PLSCR1: variants seen among roughly 807,000 people sequenced by gnomAD.
The protein encoded by PLSCR1 is phospholipid scramblase 1, also known as PL scramblase 1.
In PLSCR1, 17 loss-of-function variants were observed where a neutral mutation model predicts 37.8. The ratio of observed to expected loss-of-function variants is 0.45; its 90% CI spans 0.31 to 0.68. PLSCR1 has a LOEUF of 0.68. Ranked by LOEUF, PLSCR1 falls within the 30% of genes least tolerant of loss-of-function variation. PLSCR1 has a pLI of 0.06. For synonymous variants in PLSCR1, 116 were observed against 125.9 expected, an observed-to-expected ratio of 0.92 and a Z score of 0.53; for missense variants, 347 against 380.9, an observed-to-expected ratio of 0.91 and a Z score of 0.74.
At chr3:146,541,442 TTCC>T (rs778215790) in intron 1 of PLSCR1, among the ~76,000 whole-genome samples, 22 of 152,198 alleles carry the variant, frequency 1.4e-4, no homozygotes, top group Non-Finnish European at 3.2e-4. Flanking sequence ...TTTGCTTCCT[TTCC>T]TCCTAATAAA....
intron 5 of PLSCR1, among the ~76,000 whole-genome samples, chr3:146,522,769 C>T (rs1166931092): frequency 6.6e-6 from 1 of 152,158 alleles, no homozygotes; most frequent in East Asian, 1.9e-4. Flanking sequence ...TCCTGCTCGT[C>T]CCTGGGCAAT....
rs916948032 is a variant in PLSCR1 at position 146,517,016 on chromosome 3, C to T, written c.890G>A (p.Cys297Tyr). 1.3e-6 allele frequency: 2 copies of T among 1,588,650 alleles called. No individual in the cohort carries two copies. Among genetic ancestry groups the T allele is most frequent in the South Asian group, 1.1e-5 (1 of 87,194 alleles). ...VKMKAVMIGACFLIDFMFFES... is the reference protein window; with the variant it reads ...VKMKAVMIGAYFLIDFMFFES... ...TAAGAACAGACTTACAATGAGGAAACAGGCACCAATCATTACAGCTTTCAT... is the reference window on the plus strand; with the variant it reads ...TAAGAACAGACTTACAATGAGGAAATAGGCACCAATCATTACAGCTTTCAT... The change falls in exon 8 of 9, where the codon TGT (cysteine) becomes TAT (tyrosine). Residue 297 changes from cysteine to tyrosine, a missense_variant. By Grantham distance (194) the Cys-to-Tyr change is radical (BLOSUM62 -2). Transcript: ENST00000342435.
intron 1 of PLSCR1, among the ~76,000 whole-genome samples, chr3:146,543,208 A>G (rs2044359788): frequency 6.6e-6 from 1 of 152,170 alleles, no homozygotes; most frequent in African/African-American, 2.4e-5. Flanking sequence ...ATTCTTAGAG[A>G]TGAAGATGGA....
At chr3:146,528,928 A>G in intron 3 of PLSCR1, 97 bp from the exon 4 acceptor site, 1 of 791,602 alleles carries the variant, frequency 1.3e-6, no homozygotes, top group African/African-American at 1.7e-5. Context: ...TTGACATTTC[A>G]GCGTAGACAT....
chr3:146,541,066 A>G (rs9289722), intron 1 of PLSCR1: 41,122 of 151,852 alleles, frequency 0.27, 5,775 homozygotes, highest in African/African-American at 0.32. Context: ...TTGAGTATAC[A>G]GCACATCATA....
chr3:146,526,492 C>T (rs564331753), intron 4 of PLSCR1, among the ~76,000 whole-genome samples: 339 of 152,116 alleles, frequency 2.2e-3, no homozygotes, highest in Non-Finnish European at 4.3e-3. Flanking sequence ...TCAGCAATCC[C>T]ACTACTGTTT....
intron 7 of PLSCR1, chr3:146,520,154 C>T (rs2043999412): frequency 6.6e-6 from 1 of 151,984 alleles, no homozygotes; most frequent in Non-Finnish European, 1.5e-5. Flanking sequence ...TCAATTCTTT[C>T]CATGAGAGTA....
intron 3 of PLSCR1, among the ~76,000 whole-genome samples, chr3:146,532,871 A>G (rs1234640494): frequency 6.6e-6 from 1 of 152,252 alleles, no homozygotes; most frequent in Admixed American, 6.5e-5. Flanking sequence ...TTATGTATGT[A>G]GTCAAATGAC....
intron 1 of PLSCR1, among the ~76,000 whole-genome samples, chr3:146,539,076 T>C (rs1207590375): frequency 6.6e-6 from 1 of 152,204 alleles, no homozygotes; most frequent in Non-Finnish European, 1.5e-5. Context: ...TATTACATTG[T>C]AATATATAAC....
chr3:146,525,185 A>AT (rs2044089640), intron 5 of PLSCR1, among the ~76,000 whole-genome samples: 1 of 152,210 alleles, frequency 6.6e-6, no homozygotes, highest in Non-Finnish European at 1.5e-5. Flanking sequence ...TTAACTCCCA[A>AT]GAGAAACTGT....
chr3:146,524,572 T>C (rs746521890), intron 5 of PLSCR1, among the ~76,000 whole-genome samples: 3 of 151,820 alleles, frequency 2.0e-5, no homozygotes, highest in Non-Finnish European at 2.9e-5. Flanking sequence ...AAAAGATAAA[T>C]AGTGTGCTGT....
At position 146,533,411 on chromosome 3, in the gene PLSCR1, ACT is replaced by A. The variant is rs578150339; in HGVS notation, c.94+57_94+58del. 1.2e-3 allele frequency: 1,050 copies of A among 841,346 alleles called. 1 individual carries two copies. The highest frequency in any genetic ancestry group is 4.7e-3 in the African/African-American group (281 of 59,884). The allele number at this position is 841,346 out of a possible 1,614,324, so 52.1% of individuals were successfully genotyped here. A position where few individuals can be genotyped will look rare whatever the true frequency, so the allele number is the denominator to read the frequency against. On this transcript the variant is annotated intron_variant, in intron 3 of 8. Transcript: ENST00000342435. Reference sequence around the variant, plus strand: ...CTCTTACTCTCTCTCTCCCACTCTCACTCTCTCTCTCTGTCTCTCAATTAATT... The same window carrying A: ...CTCTTACTCTCTCTCTCCCACTCTCACTCTCTCTCTGTCTCTCAATTAATT...
intron 8 of PLSCR1, 132 bp downstream of exon 8, chr3:146,516,874 G>A (rs2043954289): frequency 1.6e-6 from 1 of 639,914 alleles, no homozygotes; most frequent in South Asian, 2.2e-5. Flanking sequence ...TTCAGAGCTA[G>A]GATTAAATGG....
intron 3 of PLSCR1, among the ~76,000 whole-genome samples, chr3:146,529,379 A>C (rs1023962232): frequency 2.0e-5 from 3 of 152,176 alleles, no homozygotes; most frequent in African/African-American, 7.2e-5. Context: ...ATAATACTGC[A>C]TCTGGTGGGT....
intron 4 of PLSCR1, among the ~76,000 whole-genome samples, chr3:146,525,900 T>C (rs2044101583): frequency 6.6e-6 from 1 of 151,724 alleles, no homozygotes; most frequent in South Asian, 2.1e-4. Flanking sequence ...CCTTTAAAAA[T>C]TAGACAATTG....
chr3:146,519,866 T>C (rs1040148420), intron 7 of PLSCR1, among the ~76,000 whole-genome samples: 2 of 152,138 alleles, frequency 1.3e-5, no homozygotes, highest in Non-Finnish European at 2.9e-5. Flanking sequence ...CAAGTTTATC[T>C]CCAAAATTTT....
At chr3:146,531,739 A>G (rs1489535007) in intron 3 of PLSCR1, among the ~76,000 whole-genome samples, 2 of 152,224 alleles carry the variant, frequency 1.3e-5, no homozygotes, top group Admixed American at 1.3e-4. Context: ...AGCAACCTAC[A>G]TTGAAAATAT....
chr3:146,538,735 C>T (rs777782236), intron 1 of PLSCR1, among the ~76,000 whole-genome samples: 2 of 151,576 alleles, frequency 1.3e-5, no homozygotes, highest in African/African-American at 2.4e-5. Context: ...TATTTTTTGG[C>T]AAACAGACTA....
At chr3:146,527,060 C>G (rs1434277522) in intron 4 of PLSCR1, among the ~76,000 whole-genome samples, 1 of 152,080 alleles carries the variant, frequency 6.6e-6, no homozygotes, top group African/African-American at 2.4e-5. Context: ...TAGCTTGAAC[C>G]CGGGAGGCGG....
Sources: allele counts gnomAD v4.1 joint callset (sites outside exome capture counted in the v4.1 genomes callset), GRCh38; gene constraint gnomAD v4.1.1; transcripts MANE v1.5; gene names NCBI Gene and HGNC (gene_info 2026-07-23, HGNC 2026-07-21).